Variants in SYT14 observed in about 807,000 individuals in gnomAD.
SYT14 encodes the protein synaptotagmin 14.
Under a neutral mutation model 74.2 loss-of-function variants are expected in SYT14, and 32 were observed. That is an observed-to-expected ratio of 0.43 (90% confidence interval 0.33 to 0.58). The LOEUF (loss-of-function observed/expected upper bound fraction) is 0.58. SYT14 is among the 20% of genes least tolerant of loss of function. The pLI is 0.05. For missense variants in SYT14, 791 were observed against 981.8 expected (o/e 0.81, Z 2.60); for synonymous variants, 298 against 337.7 (o/e 0.88, Z 1.29).
intron 7 of SYT14, among the ~76,000 whole-genome samples, chr1:210,144,512 C>CT (rs1285505556): frequency 9.2e-5 from 14 of 152,022 alleles, no homozygotes; most frequent in Admixed American, 9.2e-4. Flanking sequence ...TATATTGCCT[C>CT]TATTATATTA....
intron 5 of SYT14, among the ~76,000 whole-genome samples, chr1:210,049,459 T>G (rs1353176202): frequency 6.6e-6 from 1 of 151,776 alleles, no homozygotes; most frequent in Non-Finnish European, 1.5e-5. Flanking sequence ...ATACTTTAAG[T>G]CCTGGGATAC....
intron 1 of SYT14, among the ~76,000 whole-genome samples, chr1:209,943,170 C>A (rs944975655): frequency 5.9e-5 from 9 of 152,096 alleles, no homozygotes; most frequent in Non-Finnish European, 2.9e-5. Context: ...ACCGACTACA[C>A]AAAATTAGAA....
At chr1:210,045,039 G>A (rs2080859817) in intron 5 of SYT14, among the ~76,000 whole-genome samples, 1 of 151,974 alleles carries the variant, frequency 6.6e-6, no homozygotes, top group Non-Finnish European at 1.5e-5. Context: ...GAGATTTGAG[G>A]GGGACAGACA....
At chr1:209,999,354 A>G (rs2079852318) in intron 2 of SYT14, among the ~76,000 whole-genome samples, 2 of 152,268 alleles carry the variant, frequency 1.3e-5, no homozygotes, top group African/African-American at 4.8e-5. Context: ...GAGATATCTC[A>G]AAAAAGTAAA....
At chr1:209,981,670 G>C (rs925050901) in intron 2 of SYT14, among the ~76,000 whole-genome samples, 4 of 151,612 alleles carry the variant, frequency 2.6e-5, no homozygotes, top group African/African-American at 7.3e-5. Context: ...TTTTCATGCT[G>C]GTCTCAAACT....
chr1:210,062,781 C>T (rs1334024287), intron 5 of SYT14, among the ~76,000 whole-genome samples: 2 of 151,770 alleles, frequency 1.3e-5, no homozygotes, highest in African/African-American at 2.4e-5. Flanking sequence ...TTTTTCCTAA[C>T]GTTTTAATTG....
chr1:210,138,570 ATTGT>A (rs1446311907), intron 7 of SYT14, among the ~76,000 whole-genome samples: 2 of 152,152 alleles, frequency 1.3e-5, no homozygotes, highest in African/African-American at 4.8e-5. Flanking sequence ...GTGTTGATAT[ATTGT>A]TTAATTGCTA....
chr1:210,023,872 C>T (rs1393264182), intron 5 of SYT14, among the ~76,000 whole-genome samples: 6 of 152,148 alleles, frequency 3.9e-5, no homozygotes, highest in African/African-American at 1.4e-4. Flanking sequence ...GATTGCCTTG[C>T]TCAGTAGTTT....
chr1:210,118,564 G>A (rs1206112700), intron 7 of SYT14, among the ~76,000 whole-genome samples: 23 of 151,836 alleles, frequency 1.5e-4, no homozygotes, highest in African/African-American at 9.7e-5. Flanking sequence ...TGCAACCTCC[G>A]CCTCCCAGTT....
chr1:209,948,755 A>G (rs1263434618), intron 1 of SYT14, among the ~76,000 whole-genome samples: 1 of 152,180 alleles, frequency 6.6e-6, no homozygotes, highest in Non-Finnish European at 1.5e-5. Flanking sequence ...CCATTTATCT[A>G]TAAAATTATG....
At chr1:209,959,817 G>T (rs1161333844) in intron 2 of SYT14, among the ~76,000 whole-genome samples, 1 of 152,114 alleles carries the variant, frequency 6.6e-6, no homozygotes, top group Non-Finnish European at 1.5e-5. Context: ...TTTTTCTGGG[G>T]AGTGATGAAA....
chr1:210,094,720 C>T, intron 6 of SYT14, 127 bp downstream of exon 5: 1 of 1,110,520 alleles, frequency 9.0e-7, no homozygotes, highest in Non-Finnish European at 1.3e-6. Context: ...TACCAGTATC[C>T]ATCCTTAATC....
chr1:210,132,246 G>T (rs948911836), intron 7 of SYT14, among the ~76,000 whole-genome samples: 1 of 152,000 alleles, frequency 6.6e-6, no homozygotes, highest in African/African-American at 2.4e-5. Context: ...CCACCAGGCT[G>T]CCCATCTGGG....
At chr1:210,005,600 T>G (rs1417534586) in intron 2 of SYT14, among the ~76,000 whole-genome samples, 1 of 151,882 alleles carries the variant, frequency 6.6e-6, no homozygotes, top group Non-Finnish European at 1.5e-5. Context: ...TGAAAAAAAT[T>G]GAGACAATTC....
At chr1:210,098,993 G>T (rs1200555218) in intron 6 of SYT14, among the ~76,000 whole-genome samples, 2 of 152,052 alleles carry the variant, frequency 1.3e-5, no homozygotes, top group Admixed American at 6.6e-5. Flanking sequence ...ACTCAGGAAG[G>T]TTTTGTTTTG....
At chr1:209,965,479 T>G (rs1012029645) in intron 2 of SYT14, among the ~76,000 whole-genome samples, 1 of 152,220 alleles carries the variant, frequency 6.6e-6, no homozygotes, top group Non-Finnish European at 1.5e-5. Flanking sequence ...ACCTAGTTGA[T>G]GCCATGTCTT....
At chr1:210,104,370 T>G (rs1335958907) in intron 7 of SYT14, among the ~76,000 whole-genome samples, 1 of 152,250 alleles carries the variant, frequency 6.6e-6, no homozygotes, top group Non-Finnish European at 1.5e-5. Context: ...TATTCCACTT[T>G]ATGAGTCAGA....
chr1:210,119,754 A>T (rs2082422411), intron 7 of SYT14, among the ~76,000 whole-genome samples: 1 of 152,222 alleles, frequency 6.6e-6, no homozygotes, highest in Non-Finnish European at 1.5e-5. Context: ...AGAGTAAAAT[A>T]CACATTTTTA....
In SYT14 at chr1:210,138,923, A is replaced by G. The variant is rs557574747; in HGVS notation, c.2035-16798A>G. On this transcript the variant is annotated intron_variant, in intron 7 of 9. Transcript: ENST00000637265. ...CACAAACACTGGATGCAAAGTTAATATATGACTAAACTGTTACCAACAAAC... is the reference window on the plus strand; with the variant it reads ...CACAAACACTGGATGCAAAGTTAATGTATGACTAAACTGTTACCAACAAAC... Among the ~76,000 whole-genome samples, 7 of 152,336 alleles carry G rather than the reference A, an allele frequency of 4.6e-5. No individual in the cohort carries two copies. In the East Asian group the frequency reaches 1.2e-3, roughly 25 times the overall value.
Sources: gnomAD v4.1 joint callset for allele counts (sites outside exome capture counted in the v4.1 genomes callset) on GRCh38, gnomAD v4.1.1 for gene constraint, MANE v1.5 for transcripts, NCBI Gene and HGNC (gene_info 2026-07-23, HGNC 2026-07-21) for gene names.